Variants in ANO2 observed in about 807,000 individuals in gnomAD.
ANO2 encodes anoctamin 2.
ANO2 carries 101 observed loss-of-function variants against 124.2 expected under a neutral mutation model. That is an observed-to-expected ratio of 0.81 (90% CI 0.69 to 0.96). ANO2 has a LOEUF of 0.96. Among genes scored for constraint, ANO2 ranks in the 40% least tolerant of loss-of-function variants. The probability of loss-of-function intolerance (pLI) is 0.00; values close to 1 mark genes in which losing one functional copy is unlikely to be tolerated. For synonymous variants in ANO2, 486 were observed against 482.5 expected, an observed-to-expected ratio of 1.01 and a Z score of -0.09; for missense variants, 1,293 against 1,274.5, an observed-to-expected ratio of 1.01 and a Z score of -0.22.
intron 20 of ANO2, among the ~76,000 whole-genome samples, chr12:5,580,090 T>C (rs922305813): frequency 9.2e-5 from 14 of 152,076 alleles, no homozygotes; most frequent in Non-Finnish European, 2.1e-4. Context: ...CAACCCAGAG[T>C]CCAGGAAAGT....
chr12:5,799,380 A>G (rs1039231087), intron 10 of ANO2, 127 bp downstream of exon 10: 1 of 817,172 alleles, frequency 1.2e-6, no homozygotes, highest in African/African-American at 1.7e-5. Context: ...AGAGGAGTGG[A>G]TCATAGAAGC....
chr12:5,714,532 A>G (rs1362251553), intron 14 of ANO2, among the ~76,000 whole-genome samples: 1 of 152,176 alleles, frequency 6.6e-6, no homozygotes, highest in Admixed American at 6.5e-5. Flanking sequence ...GATAAAGGCT[A>G]AAAAATATGC....
At chr12:5,641,791 G>C (rs997815179) in intron 15 of ANO2, among the ~76,000 whole-genome samples, 1 of 152,208 alleles carries the variant, frequency 6.6e-6, no homozygotes, top group Non-Finnish European at 1.5e-5. Flanking sequence ...GTGGGGCTGG[G>C]AAAGGGAAGA....
chr12:5,640,925 A>G (rs902111548), intron 15 of ANO2, among the ~76,000 whole-genome samples: 14 of 152,242 alleles, frequency 9.2e-5, no homozygotes, highest in African/African-American at 2.2e-4. Flanking sequence ...ACATGCACAC[A>G]TATGTTTATT....
chr12:5,666,202 T>A (rs1947707034), intron 14 of ANO2, among the ~76,000 whole-genome samples: 3 of 152,146 alleles, frequency 2.0e-5, no homozygotes, highest in Admixed American at 2.0e-4. Flanking sequence ...GAAACCTACC[T>A]CACTGAAAAG....
At position 5,658,743 on chromosome 12, in the gene ANO2, ACAT is replaced by A. The variant is rs1191712741; in HGVS notation, c.1546-10945_1546-10943del. On this transcript the variant is annotated intron_variant, in intron 14 of 24. Coordinates refer to ENST00000682330, the MANE Select transcript of ANO2 (RefSeq NM_001364791.2). The surrounding 1 kb of genome is among the most constrained non-coding windows in gnomAD (Gnocchi z 4.3). ...ATCAATATCATCATCATCATCATCA[ACAT>A]CATTATCATCATTAAATCATCATCA... Among the ~76,000 whole-genome samples the A allele has an allele frequency of 6.7e-6, 1 of 148,886 alleles. No individual in the cohort carries two copies. The highest frequency in any genetic ancestry group is 2.5e-5 in the African/African-American group (1 of 39,740).
chr12:5,577,296 GCTTT>G (rs530004174), intron 22 of ANO2, among the ~76,000 whole-genome samples: 315 of 152,352 alleles, frequency 2.1e-3, no homozygotes, highest in African/African-American at 7.3e-3. Flanking sequence ...AAGGGCTGTG[GCTTT>G]CTTTGTGTGC....
In ANO2 at chr12:5,658,424, A is replaced by C. The variant is rs1947270777; in HGVS notation, c.1546-10623T>G. On this transcript the variant is annotated intron_variant, in intron 14 of 24. Coordinates refer to ENST00000682330, the MANE Select transcript of ANO2 (RefSeq NM_001364791.2). This position sits in a 1 kb window ranked among gnomAD's most constrained non-coding sequence, Gnocchi z 4.3. ...CGTCATTGTTATCATCATCATAACC[A>C]TACCATCAAAATTAACATAATCATC... 6.7e-6 allele frequency among the ~76,000 whole-genome samples: 1 copy of C among 150,308 alleles called. No individual in the cohort carries two copies. Among genetic ancestry groups the C allele is most frequent in the African/African-American group, 2.4e-5 (1 of 41,026 alleles).
Position 5,720,112 on chromosome 12 carries a change from C to T in ANO2, c.1545+12408G>A, listed in dbSNP as rs183743395. On this transcript the variant is annotated intron_variant, in intron 14 of 24. Transcript: ENST00000682330. ...CTGCAATGATTTGGACAGTAAGCCC[C>T]TTCTCACCAGCTAGAGCATGGCTGA... Among the ~76,000 whole-genome samples, 115 of 152,256 alleles carry T rather than the reference C, an allele frequency of 7.6e-4. 3 individuals carry two copies. The East Asian group carries it at 0.019, about 25-fold the overall frequency.
chr12:5,873,036 T>C (rs1937813129), intron 3 of ANO2, among the ~76,000 whole-genome samples: 1 of 152,206 alleles, frequency 6.6e-6, no homozygotes, highest in African/African-American at 2.4e-5. Context: ...TTTCAACATT[T>C]GGTAACCTGG....
chr12:5,939,339 C>T (rs1249584419), intron 1 of ANO2, among the ~76,000 whole-genome samples: 1 of 152,044 alleles, frequency 6.6e-6, no homozygotes, highest in East Asian at 1.9e-4. Context: ...TTTCTCCCTG[C>T]TCTTCTTTTC....
At chr12:5,840,466 T>C (rs905943956) in intron 4 of ANO2, among the ~76,000 whole-genome samples, 1 of 152,104 alleles carries the variant, frequency 6.6e-6, no homozygotes, top group Non-Finnish European at 1.5e-5. Flanking sequence ...AAGCTGCATA[T>C]ATTGGACAGT....
chr12:5,854,414 A>AC (rs1257578255), intron 3 of ANO2, among the ~76,000 whole-genome samples: 1 of 151,674 alleles, frequency 6.6e-6, no homozygotes, highest in East Asian at 1.9e-4. Flanking sequence ...AAAAAAAAAA[A>AC]AAAAAACAAG....
intron 10 of ANO2, among the ~76,000 whole-genome samples, chr12:5,777,805 C>T (rs1344559959): frequency 6.6e-6 from 1 of 152,164 alleles, no homozygotes; most frequent in African/African-American, 2.4e-5. Flanking sequence ...CTGTCATGAA[C>T]GTTCACAGCC....
At chr12:5,768,805 GC>G (rs1951978872) in intron 10 of ANO2, among the ~76,000 whole-genome samples, 1 of 152,190 alleles carries the variant, frequency 6.6e-6, no homozygotes, top group Non-Finnish European at 1.5e-5. Context: ...CTGGGTACGG[GC>G]CAGCAGACAC....
intron 20 of ANO2, 61 bp downstream of exon 20, chr12:5,599,423 A>G: frequency 5.2e-6 from 8 of 1,535,690 alleles, no homozygotes; most frequent in Non-Finnish European, 7.0e-6. Context: ...TTCCCCCTTC[A>G]ACCCCACAGA....
At chr12:5,863,442 C>T (rs1400809620) in intron 3 of ANO2, among the ~76,000 whole-genome samples, 1 of 152,216 alleles carries the variant, frequency 6.6e-6, no homozygotes, top group East Asian at 1.9e-4. Context: ...AGGCCTTGGG[C>T]CCCAGCTCTG....
chr12:5,945,209 A>T lies in ANO2; in HGVS notation c.9T>A (p.Thr3=). MA[T]PGPRDIPLLP... ...CGGAAAACTCACCGCGCGGCCCGGGAGTCGCCATGATGTGGACGCAGACCC... is the reference window on the plus strand; with the variant it reads ...CGGAAAACTCACCGCGCGGCCCGGGTGTCGCCATGATGTGGACGCAGACCC... Residue 3 remains threonine (T), a synonymous_variant, in exon 1 of 25, where the codon ACT becomes ACA. Transcript: ENST00000682330. 1 of 1,288,664 alleles carries T rather than the reference A, an allele frequency of 7.8e-7. No individual in the cohort carries two copies. Among genetic ancestry groups the T allele is most frequent in the Non-Finnish European group, 1.0e-6 (1 of 988,216 alleles). The allele number at this position is 1,288,664 out of a possible 1,614,324, so 79.8% of individuals were successfully genotyped here.
intron 10 of ANO2, among the ~76,000 whole-genome samples, chr12:5,775,282 G>C (rs561908667): frequency 4.6e-4 from 68 of 149,306 alleles, no homozygotes; most frequent in Middle Eastern, 3.4e-3. Flanking sequence ...CACACACACA[G>C]AGAGAGAGAG....
Sources: allele counts gnomAD v4.1 joint callset (sites outside exome capture counted in the v4.1 genomes callset), GRCh38; gene constraint gnomAD v4.1.1; non-coding constraint Gnocchi (gnomAD v3.1); transcripts MANE v1.5; gene names NCBI Gene and HGNC (gene_info 2026-07-23, HGNC 2026-07-21).